The following PITPNM2 variants were observed in gnomAD, a reference collection of about 807,000 sequenced individuals.
The protein encoded by PITPNM2 is membrane-associated phosphatidylinositol transfer protein 2.
In PITPNM2, 35 loss-of-function variants were observed where a neutral mutation model predicts 132.2. The observed-to-expected ratio is 0.26, with a 90% CI of 0.20 to 0.35. The LOEUF (loss-of-function observed/expected upper bound fraction) is 0.35. PITPNM2 is among the 10% of genes least tolerant of loss of function. The probability of loss-of-function intolerance (pLI) is 1.00; values close to 1 mark genes in which losing one functional copy is unlikely to be tolerated. For synonymous variants in PITPNM2, 738 were observed against 799.2 expected (o/e 0.92, Z 1.29); for missense variants, 1,332 against 1,912.0 (o/e 0.70, Z 5.66).
intron 1 of PITPNM2, among the ~76,000 whole-genome samples, chr12:123,112,832 C>G (rs996957000): frequency 2.0e-5 from 3 of 152,074 alleles, no homozygotes; most frequent in African/African-American, 7.2e-5. Context: ...GCCACTGCAC[C>G]CAGCCTAAAT....
chr12:123,130,688 G>A (rs1482196019), intron 1 of PITPNM2, among the ~76,000 whole-genome samples: 5 of 152,154 alleles, frequency 3.3e-5, no homozygotes, highest in Admixed American at 3.3e-4. Flanking sequence ...GCTGAGGCAG[G>A]AGAATGGCGT....
intron 2 of PITPNM2, among the ~76,000 whole-genome samples, chr12:123,045,776 C>A (rs1355319524): frequency 6.6e-6 from 1 of 152,314 alleles, no homozygotes; most frequent in African/African-American, 2.4e-5. Context: ...CAGAGAGGCA[C>A]AAACGCCATG....
intron 2 of PITPNM2, among the ~76,000 whole-genome samples, chr12:123,074,636 CACACACACAA>C (rs2041723529): frequency 6.6e-6 from 1 of 152,114 alleles, no homozygotes; most frequent in Non-Finnish European, 1.5e-5. Flanking sequence ...CCCACCCACA[CACACACACAA>C]ACACACACAT....
At chr12:123,042,955 G>T (rs2040545222) in intron 2 of PITPNM2, among the ~76,000 whole-genome samples, 1 of 152,014 alleles carries the variant, frequency 6.6e-6, no homozygotes, top group Non-Finnish European at 1.5e-5. Context: ...TGCTCTGAAG[G>T]TGTGTGTTAT....
At chr12:123,027,700 G>C (rs533622637) in intron 3 of PITPNM2, among the ~76,000 whole-genome samples, 1 of 152,216 alleles carries the variant, frequency 6.6e-6, no homozygotes, top group Non-Finnish European at 1.5e-5. Context: ...GGAGCCAGAC[G>C]GGACCCCCTG....
intron 2 of PITPNM2, chr12:123,084,057 C>T (rs1339222259): frequency 6.6e-6 from 1 of 152,300 alleles, no homozygotes; most frequent in Non-Finnish European, 1.5e-5. Context: ...TGCTGAGAGT[C>T]ACAGGGTTGG....
At position 122,996,456 on chromosome 12, in the gene PITPNM2, A is replaced by T; in HGVS notation, c.1782+2T>A. On this transcript the variant is annotated splice_donor_variant, in intron 13 of 25. Transcript: ENST00000320201. LOFTEE classifies it high-confidence loss of function. ...GGACTGTCTGGGCCCCCACTTGGGT[A>T]CCTGCATGCTGACCACGCTGCCCCG... The T allele has an allele frequency of 6.2e-7, 1 of 1,612,996 alleles. No homozygotes were observed. Among genetic ancestry groups the T allele is most frequent in the Non-Finnish European group, 8.5e-7 (1 of 1,179,972 alleles).
intron 3 of PITPNM2, among the ~76,000 whole-genome samples, chr12:123,029,688 CAT>C (rs765906040): frequency 2.0e-5 from 3 of 151,598 alleles, no homozygotes; most frequent in South Asian, 2.1e-4. Flanking sequence ...CACATGTGCA[CAT>C]ATGTGTGCAT....
At chr12:123,143,888 A>C (rs2043557883) in intron 1 of PITPNM2, among the ~76,000 whole-genome samples, 1 of 152,202 alleles carries the variant, frequency 6.6e-6, no homozygotes, top group Non-Finnish European at 1.5e-5. Flanking sequence ...TCCAGTCTTC[A>C]TCCATTAAGT....
chr12:123,034,342 G>A (rs2040199448), intron 3 of PITPNM2, 171 bp downstream of exon 3: 11 of 615,950 alleles, frequency 1.8e-5, no homozygotes, highest in South Asian at 1.7e-4. Context: ...TGCTCTGTGC[G>A]CCTGGCATCG....
chr12:123,069,698 G>A (rs1443921331), intron 2 of PITPNM2, among the ~76,000 whole-genome samples: 1 of 152,188 alleles, frequency 6.6e-6, no homozygotes, highest in Admixed American at 6.5e-5. Flanking sequence ...GTAGCCACAT[G>A]TTTGCCTTGG....
intron 2 of PITPNM2, among the ~76,000 whole-genome samples, chr12:123,094,903 C>G (rs1319478370): frequency 1.3e-5 from 2 of 152,224 alleles, no homozygotes; most frequent in Non-Finnish European, 2.9e-5. Context: ...ACAACCTCTC[C>G]TTTCTTCACT....
chr12:123,100,621 G>A (rs1401312347), intron 2 of PITPNM2, among the ~76,000 whole-genome samples: 7 of 148,782 alleles, frequency 4.7e-5, no homozygotes, highest in South Asian at 2.1e-4. Flanking sequence ...GCAAGACTCC[G>A]TCTCCAAAAA....
chr12:123,114,906 A>C (rs1185959349), intron 1 of PITPNM2, among the ~76,000 whole-genome samples: 3 of 152,200 alleles, frequency 2.0e-5, no homozygotes, highest in African/African-American at 7.2e-5. Flanking sequence ...AAAATGAAGG[A>C]AGGCACCTCC....
intron 1 of PITPNM2, among the ~76,000 whole-genome samples, chr12:123,137,921 A>C (rs1460194555): frequency 6.6e-6 from 1 of 151,340 alleles, no homozygotes; most frequent in African/African-American, 2.4e-5. Context: ...GAAGAAGAAG[A>C]AAGCAAAACA....
chr12:123,048,342 G>A (rs1207311351), intron 2 of PITPNM2, among the ~76,000 whole-genome samples: 1 of 151,294 alleles, frequency 6.6e-6, no homozygotes, highest in Non-Finnish European at 1.5e-5. Context: ...AATTCATAGA[G>A]ACAGAAAGTA....
rs1261673041 is a variant in PITPNM2 at position 123,009,089 on chromosome 12, G to A, written c.643+761C>T. 6.6e-6 allele frequency among the ~76,000 whole-genome samples: 1 copy of A among 152,226 alleles called. No individual in the cohort carries two copies. Among genetic ancestry groups the A allele is most frequent in the Non-Finnish European group, 1.5e-5 (1 of 68,046 alleles). ...GTTATCGTAAGCTTACGTGACAAGC[G>A]TGATATGTACTGTCAACAGTGTGGC... is the stretch of plus-strand genomic sequence containing the variant. On this transcript the variant is annotated intron_variant, in intron 6 of 25. Coordinates refer to ENST00000320201, the MANE Select transcript of PITPNM2 (RefSeq NM_020845.3). The surrounding 1 kb of genome is among the most constrained non-coding windows in gnomAD (Gnocchi z 4.8).
chr12:123,033,021 TC>T (rs2040147860), intron 3 of PITPNM2, among the ~76,000 whole-genome samples: 1 of 152,104 alleles, frequency 6.6e-6, no homozygotes, highest in Admixed American at 6.5e-5. Context: ...CACAGCTACC[TC>T]CCCTGACCTG....
chr12:123,088,012 C>T (rs1032121414), intron 2 of PITPNM2: 1 of 152,258 alleles, frequency 6.6e-6, no homozygotes, highest in African/African-American at 2.4e-5. Context: ...TTATGCTACT[C>T]TCTACCTCAG....
Sources: gnomAD v4.1 joint callset for allele counts (sites outside exome capture counted in the v4.1 genomes callset) on GRCh38, gnomAD v4.1.1 for gene constraint, Gnocchi (gnomAD v3.1) non-coding constraint, MANE v1.5 for transcripts, NCBI Gene and HGNC (gene_info 2026-07-23, HGNC 2026-07-21) for gene names.